The following CHD6 variants were observed in gnomAD, a reference collection of about 807,000 sequenced individuals.
CHD6 encodes ATP-dependent chromatin remodeler CHD6.
In CHD6, 50 loss-of-function variants were observed where a neutral mutation model predicts 276.9. The observed-to-expected ratio is 0.18, with a 90% CI of 0.14 to 0.23. The LOEUF is 0.23. CHD6 is among the 10% of genes least tolerant of loss of function. CHD6 has a pLI of 1.00. For missense variants in CHD6, 2,564 were observed against 3,365.8 expected (o/e 0.76, Z 5.89); for synonymous variants, 1,173 against 1,229.3 (o/e 0.95, Z 0.96).
chr20:41,615,995 T>C (rs2045931687), intron 1 of CHD6, among the ~76,000 whole-genome samples: 1 of 152,202 alleles, frequency 6.6e-6, no homozygotes, highest in South Asian at 2.1e-4. Context: ...CACAGCAAAA[T>C]CACAAATAAG....
intron 1 of CHD6, among the ~76,000 whole-genome samples, chr20:41,567,796 A>G (rs1320710662): frequency 6.6e-6 from 1 of 152,124 alleles, no homozygotes; most frequent in Admixed American, 6.6e-5. Context: ...GCCACAGACA[A>G]AATGACCTTG....
At chr20:41,528,425 C>A (rs1038275480) in intron 3 of CHD6, among the ~76,000 whole-genome samples, 2 of 152,076 alleles carry the variant, frequency 1.3e-5, no homozygotes, top group Non-Finnish European at 2.9e-5. Flanking sequence ...GAATAAGGCA[C>A]TATAATTTTA....
In CHD6 at chr20:41,420,959, A is replaced by T; in HGVS notation, c.5676T>A (p.His1892Gln). Residue 1892 changes from histidine (H) to glutamine (Q), a missense_variant, in exon 31 of 37, where the codon CAT becomes CAA. Around this residue, in one of 7 missense-constraint regions of CHD6, gnomAD observed 1,024 missense variants for 1,047.9 expected, o/e 0.98. Coordinates refer to ENST00000373233, the MANE Select transcript of CHD6 (RefSeq NM_032221.5). ...VGMGERPEVL[H>Q]LTEPTTNISR... ...AGATGTTAGTAGTGGGCTCCGTGAG[A>T]TGCAATACCTCTGGCCTTTCCCCCA... 1 of 1,614,174 alleles carries T rather than the reference A, an allele frequency of 6.2e-7. No individual in the cohort carries two copies. The highest frequency in any genetic ancestry group is 1.1e-5 in the South Asian group (1 of 91,076).
At chr20:41,565,950 T>C (rs1419468890) in intron 1 of CHD6, among the ~76,000 whole-genome samples, 3 of 152,224 alleles carry the variant, frequency 2.0e-5, no homozygotes, top group South Asian at 2.1e-4. Flanking sequence ...ACTGGGAAGA[T>C]GATATTAGTA....
At chr20:41,549,191 C>T (rs1214068835) in intron 2 of CHD6, among the ~76,000 whole-genome samples, 7 of 151,904 alleles carry the variant, frequency 4.6e-5, no homozygotes, top group Admixed American at 3.9e-4. Context: ...GACACATGCA[C>T]ACGTATGTTT....
In CHD6 at chr20:41,493,674, T is replaced by C. The variant is rs1483266570; in HGVS notation, c.1180-2A>G. The C allele has an allele frequency of 6.2e-7, 1 of 1,613,320 alleles. No individual in the cohort carries two copies. Among genetic ancestry groups the C allele is most frequent in the Non-Finnish European group, 8.5e-7 (1 of 1,179,716 alleles). ...CTTCACCAGGTAATGTGTTACCTCC[T>C]GGTGGGAAAACAGGAAAGAAACTTA... is the stretch of plus-strand genomic sequence containing the variant. On this transcript the variant is annotated splice_acceptor_variant, in intron 9 of 36. Transcript: ENST00000373233. LOFTEE classifies it high-confidence loss of function.
At chr20:41,492,039 G>T (rs2043568652) in intron 10 of CHD6, among the ~76,000 whole-genome samples, 1 of 152,172 alleles carries the variant, frequency 6.6e-6, no homozygotes, top group South Asian at 2.1e-4. Context: ...CTTACAATTA[G>T]CTTCAGAATG....
intron 1 of CHD6, among the ~76,000 whole-genome samples, chr20:41,569,842 T>C (rs1040761386): frequency 6.6e-6 from 1 of 152,350 alleles, no homozygotes; most frequent in Non-Finnish European, 1.5e-5. Context: ...GAGTAGGTTA[T>C]AGGCAATTAC....
intron 1 of CHD6, among the ~76,000 whole-genome samples, chr20:41,583,258 C>T (rs2045559530): frequency 6.6e-6 from 1 of 152,012 alleles, no homozygotes; most frequent in African/African-American, 2.4e-5. Flanking sequence ...CAAAGTTAAA[C>T]AGAAAATCTT....
intron 8 of CHD6, chr20:41,497,078 T>C (rs1388800623): frequency 1.6e-5 from 4 of 248,690 alleles, no homozygotes; most frequent in Non-Finnish European, 3.2e-5. Flanking sequence ...TGGGTTGCAG[T>C]GGGTTGAGGG....
intron 7 of CHD6, 153 bp downstream of exon 7, chr20:41,498,015 G>A (rs45489393): frequency 0.027 from 16,191 of 604,702 alleles, 247 homozygotes; most frequent in South Asian, 0.038. Flanking sequence ...ATAATTGAGC[G>A]TTACTGCCTA....
chr20:41,560,446 G>A (rs2045289978), intron 1 of CHD6, among the ~76,000 whole-genome samples: 1 of 152,204 alleles, frequency 6.6e-6, no homozygotes, highest in African/African-American at 2.4e-5. Flanking sequence ...TCTCCGGGAT[G>A]TCTTCCCTGA....
At chr20:41,504,077 C>CAAAAAAAGAAAAAAAA (rs2043910693) in intron 5 of CHD6, among the ~76,000 whole-genome samples, 1 of 27,096 alleles carries the variant, frequency 3.7e-5, no homozygotes, top group Non-Finnish European at 7.0e-5. Flanking sequence ...GACTCTGTCT[C>CAAAAAAAGAAAAAAAA]AAAAAAAAAA....
intron 16 of CHD6, among the ~76,000 whole-genome samples, chr20:41,482,242 T>A (rs1249310139): frequency 6.6e-6 from 1 of 152,166 alleles, no homozygotes; most frequent in Admixed American, 6.5e-5. Flanking sequence ...AGGCTCCTAA[T>A]CTATAGTGAA....
rs1430440317 is a variant in CHD6 at position 41,484,589 on chromosome 20, T to C, written c.2020A>G (p.Ile674Val). The C allele has an allele frequency of 1.9e-6, 3 of 1,613,826 alleles. 1 individual carries two copies. Among genetic ancestry groups the C allele is most frequent in the South Asian group, 2.2e-5 (2 of 91,076 alleles). Reference protein sequence around the residue: ...TEEQVKKLQSILKPMMLRRLK... With the variant: ...TEEQVKKLQSVLKPMMLRRLK... ...CGCCGAAGCATCATTGGTTTTAGGA[T>C]AGACTGCAGTTTCTTTACCTGTCCA... is the stretch of plus-strand genomic sequence containing the variant. The change falls in exon 15 of 37, where the codon ATC (isoleucine) becomes GTC (valine). Residue 674 changes from isoleucine (I) to valine (V), a missense_variant. Physicochemically the swap from Ile to Val is conservative, Grantham distance 29 (BLOSUM62 3). Transcript: ENST00000373233.
intron 34 of CHD6, chr20:41,414,269 G>A (rs555634283): frequency 6.6e-6 from 1 of 152,264 alleles, no homozygotes; most frequent in Admixed American, 6.5e-5. Flanking sequence ...TCCTTGGTTT[G>A]GTTTCCTGCT....
chr20:41,586,615 G>A (rs2045598123), intron 1 of CHD6, among the ~76,000 whole-genome samples: 1 of 152,178 alleles, frequency 6.6e-6, no homozygotes, highest in Non-Finnish European at 1.5e-5. Context: ...ACAAAGACCT[G>A]CTGGTAACAA....
intron 1 of CHD6, among the ~76,000 whole-genome samples, chr20:41,577,257 T>C (rs2143232): frequency 0.39 from 58,705 of 151,566 alleles, 13,531 homozygotes; most frequent in African/African-American, 0.63. Context: ...TTCTTTGGTA[T>C]TGGATACCAG....
At chr20:41,467,282 G>T (rs1027618662) in intron 17 of CHD6, among the ~76,000 whole-genome samples, 1 of 151,722 alleles carries the variant, frequency 6.6e-6, no homozygotes, top group African/African-American at 2.4e-5. Context: ...TTTCCTAAGA[G>T]AACTCAATAA....
Sources: allele counts gnomAD v4.1 joint callset (sites outside exome capture counted in the v4.1 genomes callset), GRCh38; gene constraint gnomAD v4.1.1; regional missense constraint gnomAD v4.1.1; transcripts MANE v1.5; gene names NCBI Gene and HGNC (gene_info 2026-07-23, HGNC 2026-07-21).